The following ADGRL3 variants were observed in gnomAD, a reference collection of about 807,000 sequenced individuals.
The protein encoded by ADGRL3 is calcium-independent alpha-latrotoxin receptor 3.
ADGRL3 carries 62 observed loss-of-function variants against 153.5 expected under a neutral mutation model. The observed-to-expected ratio is 0.40, with a 90% CI of 0.33 to 0.50. The LOEUF (loss-of-function observed/expected upper bound fraction) is 0.50, where lower values mean the gene tolerates loss of function less well. Ranked by LOEUF, ADGRL3 falls within the 20% of genes least tolerant of loss-of-function variation. The pLI, the probability that ADGRL3 is intolerant of heterozygous loss-of-function variation, is 0.47. For synonymous variants in ADGRL3, 710 were observed against 672.5 expected (o/e 1.06, Z -0.86); for missense variants, 1,641 against 1,859.4 (o/e 0.88, Z 2.16).
intron 4 of ADGRL3, among the ~76,000 whole-genome samples, chr4:61,532,880 G>A (rs574361927): frequency 2.0e-5 from 3 of 152,194 alleles, no homozygotes; most frequent in Admixed American, 6.5e-5. Context: ...CAAAGAGAAA[G>A]TGGGATTAGA....
At chr4:61,766,693 A>C (rs147996930) in intron 8 of ADGRL3, among the ~76,000 whole-genome samples, 3,670 of 151,260 alleles carry the variant, frequency 0.024, 95 homozygotes, top group East Asian at 0.073. Flanking sequence ...AGGTAATTTG[A>C]TGAGCTTGAT....
In ADGRL3 at chr4:61,464,475, T is replaced by C. The variant is rs146721136; in HGVS notation, c.-173-32646T>C. Among the ~76,000 whole-genome samples, 11 of 152,314 alleles carry C rather than the reference T, an allele frequency of 7.2e-5. No homozygotes were observed. The East Asian group carries it at 2.1e-3, about 29-fold the overall frequency. The stretch of plus-strand genomic sequence containing the variant: ...TCTAAAATTTAACTTTTGATCTGTA[T>C]TGTTTCTTTATATGATATTTTGAAA... On this transcript the variant is annotated intron_variant, in intron 2 of 26. Transcript: ENST00000683033.
chr4:61,422,015 G>A (rs555486584), intron 2 of ADGRL3, among the ~76,000 whole-genome samples: 12 of 152,112 alleles, frequency 7.9e-5, no homozygotes, highest in Middle Eastern at 3.4e-3. Flanking sequence ...TGTGTGAACC[G>A]TTTTGTAACT....
chr4:61,602,835 T>G (rs2099017292), intron 5 of ADGRL3, among the ~76,000 whole-genome samples: 1 of 152,124 alleles, frequency 6.6e-6, no homozygotes, highest in African/African-American at 2.4e-5. Context: ...GTATAATAGA[T>G]TACAACTATG....
At chr4:61,503,668 G>A (rs1186483819) in intron 3 of ADGRL3, among the ~76,000 whole-genome samples, 15 of 151,904 alleles carry the variant, frequency 9.9e-5, no homozygotes, top group Admixed American at 7.9e-4. Flanking sequence ...TATTTTCTAA[G>A]AATAGCTTTT....
chr4:61,563,825 T>C (rs1560848193), intron 4 of ADGRL3, among the ~76,000 whole-genome samples: 1 of 152,014 alleles, frequency 6.6e-6, no homozygotes, highest in Non-Finnish European at 1.5e-5. Flanking sequence ...CTGGCCAACA[T>C]GGTGAAATCC....
At chr4:61,423,688 G>C (rs2097239662) in intron 2 of ADGRL3, among the ~76,000 whole-genome samples, 1 of 152,178 alleles carries the variant, frequency 6.6e-6, no homozygotes, top group Non-Finnish European at 1.5e-5. Flanking sequence ...ATTAGTAGGA[G>C]AGGGTCATGA....
intron 11 of ADGRL3, among the ~76,000 whole-genome samples, chr4:61,898,270 T>C (rs2098643064): frequency 6.6e-6 from 1 of 152,140 alleles, no homozygotes; most frequent in Non-Finnish European, 1.5e-5. Flanking sequence ...CTCCACTCCC[T>C]TCTCTCACCC....
intron 3 of ADGRL3, among the ~76,000 whole-genome samples, chr4:61,510,512 G>T (rs113076821): frequency 8.5e-5 from 13 of 152,262 alleles, no homozygotes; most frequent in African/African-American, 3.1e-4. Context: ...TTATTAAATA[G>T]GGAGTCATTT....
At chr4:61,361,812 A>G (rs2151504039) in intron 1 of ADGRL3, among the ~76,000 whole-genome samples, 1 of 152,218 alleles carries the variant, frequency 6.6e-6, no homozygotes, top group South Asian at 2.1e-4. Flanking sequence ...TAAAATGTTA[A>G]TATCACAGAG....
At chr4:61,974,377 A>C (rs145362242) in intron 17 of ADGRL3, among the ~76,000 whole-genome samples, 113 of 152,206 alleles carry the variant, frequency 7.4e-4, no homozygotes, top group African/African-American at 2.7e-3. Flanking sequence ...TGATTGGAAT[A>C]TTTTTTGGTG....
At chr4:61,956,567 T>C (rs2098967626) in intron 17 of ADGRL3, among the ~76,000 whole-genome samples, 1 of 152,172 alleles carries the variant, frequency 6.6e-6, no homozygotes, top group South Asian at 2.1e-4. Flanking sequence ...AACTGTGGCT[T>C]TTGTTGCAAT....
intron 8 of ADGRL3, among the ~76,000 whole-genome samples, chr4:61,750,462 A>G (rs12646895): frequency 0.57 from 87,363 of 152,014 alleles, 27,574 homozygotes; most frequent in African/African-American, 0.82. Flanking sequence ...CCACAACTGA[A>G]AAACAAGGTA....
chr4:61,704,166 T>G (rs368559896), intron 6 of ADGRL3, among the ~76,000 whole-genome samples: 4 of 152,168 alleles, frequency 2.6e-5, no homozygotes, highest in Non-Finnish European at 4.4e-5. Flanking sequence ...TTATTTGATA[T>G]CATAACACAT....
intron 1 of ADGRL3, among the ~76,000 whole-genome samples, chr4:61,278,400 G>A (rs1019074886): frequency 2.0e-5 from 3 of 152,072 alleles, no homozygotes; most frequent in South Asian, 4.1e-4. Flanking sequence ...CGACTAAAAC[G>A]TTTTCTATGC....
chr4:61,870,005 A>C (rs201643130), intron 9 of ADGRL3, among the ~76,000 whole-genome samples: 1 of 141,448 alleles, frequency 7.1e-6, no homozygotes, highest in Admixed American at 7.2e-5. Context: ...AGAGAGAGAG[A>C]GAGAGAAAGG....
chr4:61,938,219 A>G (rs1272776686), intron 15 of ADGRL3, among the ~76,000 whole-genome samples: 1 of 152,176 alleles, frequency 6.6e-6, no homozygotes, highest in African/African-American at 2.4e-5. Context: ...CCAATTATAA[A>G]CCAATTAAAA....
chr4:61,442,798 C>A (rs557580671), intron 2 of ADGRL3, among the ~76,000 whole-genome samples: 1 of 151,860 alleles, frequency 6.6e-6, no homozygotes, highest in East Asian at 1.9e-4. Flanking sequence ...TATGATTATG[C>A]ACCTTAATAA....
chr4:61,655,772 G>A (rs1262937737), intron 5 of ADGRL3, among the ~76,000 whole-genome samples: 2 of 152,128 alleles, frequency 1.3e-5, no homozygotes, highest in Non-Finnish European at 2.9e-5. Flanking sequence ...CATGAATGAA[G>A]TTCCCAAATA....
Sources: gnomAD v4.1 joint callset for allele counts (sites outside exome capture counted in the v4.1 genomes callset) on GRCh38, gnomAD v4.1.1 for gene constraint, MANE v1.5 for transcripts, NCBI Gene and HGNC (gene_info 2026-07-23, HGNC 2026-07-21) for gene names.